Variants in ADGRF5 observed in about 807,000 individuals in gnomAD.
ADGRF5 encodes the protein G-protein coupled receptor 116.
In ADGRF5, 75 loss-of-function variants were observed where a neutral mutation model predicts 132.3. The observed-to-expected ratio is 0.57, with a 90% CI of 0.47 to 0.69. The LOEUF (loss-of-function observed/expected upper bound fraction) is 0.69. Among genes scored for constraint, ADGRF5 ranks in the 30% least tolerant of loss-of-function variants. ADGRF5 has a pLI of 0.00. For missense variants in ADGRF5, 1,516 were observed against 1,630.6 expected, an observed-to-expected ratio of 0.93 and a Z score of 1.21; for synonymous variants, 629 against 597.6, an observed-to-expected ratio of 1.05 and a Z score of -0.77.
At chr6:46,925,316 T>A (rs1280809560), upstream of ADGRF5, among the ~76,000 whole-genome samples, 3 of 152,228 alleles carry the variant, frequency 2.0e-5, no homozygotes, top group East Asian at 5.8e-4. Context: ...CATTGCTTTC[T>A]TAGTGAGGCC....
intron 14 of ADGRF5, among the ~76,000 whole-genome samples, chr6:46,864,518 A>G (rs1011183536): frequency 6.9e-6 from 1 of 144,972 alleles, no homozygotes; most frequent in East Asian, 2.1e-4. Context: ...ACTGTATTAC[A>G]TGTAATAATT....
intron 1 of ADGRF5, among the ~76,000 whole-genome samples, chr6:46,952,335 G>T (rs1401415688): frequency 6.6e-6 from 1 of 152,206 alleles, no homozygotes; most frequent in East Asian, 1.9e-4. Flanking sequence ...TCCTCCAGAT[G>T]AGCGCTGCAT....
At chr6:46,872,064 T>C (rs1291930278) in intron 10 of ADGRF5, 51 bp from the exon 11 acceptor site, 3 of 1,341,558 alleles carry the variant, frequency 2.2e-6, no homozygotes, top group Non-Finnish European at 3.1e-6. Context: ...CTCTTTTATT[T>C]AGTAGCAAAG....
intron 1 of ADGRF5, among the ~76,000 whole-genome samples, chr6:46,914,734 T>G (rs1226902101): frequency 6.6e-6 from 1 of 152,016 alleles, no homozygotes; most frequent in East Asian, 1.9e-4. Flanking sequence ...TTGCATTAAT[T>G]CACCATGTGG....
At chr6:46,888,232 C>T in intron 4 of ADGRF5, 103 bp downstream of exon 4, 1 of 794,078 alleles carries the variant, frequency 1.3e-6, no homozygotes, top group Non-Finnish European at 2.1e-6. Flanking sequence ...TGAGTCATTT[C>T]ACTTGCCTAC....
intron 4 of ADGRF5, among the ~76,000 whole-genome samples, chr6:46,884,755 T>C (rs1382108035): frequency 6.6e-6 from 1 of 152,216 alleles, no homozygotes; most frequent in Non-Finnish European, 1.5e-5. Context: ...GGTTGCTCTC[T>C]CTCTTTCTCT....
rs562010996 is a variant in ADGRF5 at position 46,910,470 on chromosome 6, T to A, written c.-24-3684A>T. Among the ~76,000 whole-genome samples, 3 of 152,282 alleles carry A rather than the reference T, an allele frequency of 2.0e-5. No homozygotes were observed. The South Asian group carries it at 6.2e-4, about 32-fold the overall frequency. On this transcript the variant is annotated intron_variant, in intron 1 of 20. Transcript: ENST00000283296. ...GGTGCTCACTATATTCTAGGTCTGC[T>A]GCTGAGCTCTCTGCAAGGGTTACGC...
rs965841468 is a variant in ADGRF5 at position 46,852,740 on chromosome 6, C to A, written c.*1252G>T. The A allele has an allele frequency of 2.6e-5, 4 of 151,058 alleles. No homozygotes were observed. Among genetic ancestry groups the A allele is most frequent in the African/African-American group, 9.9e-5 (4 of 40,404 alleles). 9.4% of individuals were successfully genotyped at this position (151,058 alleles called of 1,614,324 possible). On this transcript the variant is annotated 3_prime_UTR_variant, in exon 21 of 21. Transcript: ENST00000283296. ...AGTGTCATTAGGAGCACAGAACAAC[C>A]GAATGTAAAATTTCTTTCCAGGAGC...
At position 46,865,067 on chromosome 6, in the gene ADGRF5, T is replaced by C. The variant is rs775774467; in HGVS notation, c.1965A>G (p.Pro655=). The C allele has an allele frequency of 6.2e-7, 1 of 1,609,136 alleles. No homozygotes were observed. Among genetic ancestry groups the C allele is most frequent in the South Asian group, 1.1e-5 (1 of 90,228 alleles). The change falls in exon 14 of 21, where the codon CCA becomes CCG. Residue 655 remains proline (P), a synonymous_variant. Transcript: ENST00000283296. ...CAGGAACCAGATTCAGCTTCATAGATGGGCTCCAGACTGAATTATTAGCAG... is the reference window on the plus strand; with the variant it reads ...CAGGAACCAGATTCAGCTTCATAGACGGGCTCCAGACTGAATTATTAGCAG... ...TNAANNSVWS[P]SMKLNLVPGE... is the part of the protein sequence containing the mutation.
rs201301159 is a variant in ADGRF5 at position 46,858,435 on chromosome 6, A to G, written c.3468T>C (p.Tyr1156=). 130 of 1,613,820 alleles carry G rather than the reference A, an allele frequency of 8.1e-5. No individual in the cohort carries two copies. The highest frequency in any genetic ancestry group is 1.7e-5 in the Admixed American group (1 of 59,998). The stretch of plus-strand genomic sequence containing the variant: ...TGAGCCAACAGACATTCTTCCTCGT[A>G]TAGACTTCCCGGGGCTGGGTGGCTC... ...TLGATQPREV[Y]TRKNVCWLNW... Residue 1156 remains tyrosine (Y), a synonymous_variant, in exon 17 of 21, where the codon TAT becomes TAC. Transcript: ENST00000283296.
In ADGRF5 at chr6:46,953,035, A is replaced by T. The variant is rs80311938; in HGVS notation, c.-25+1699T>A. ...AAATAGGCAGGCATTAGAGCATTCA[A>T]ATATTAGGGAAATGCAAGGTACTTA... On this transcript the variant is annotated intron_variant, in intron 1 of 20. Transcript: ENST00000265417. Among the ~76,000 whole-genome samples, 730 of 152,300 alleles carry T rather than the reference A, an allele frequency of 4.8e-3. 4 individuals carry two copies. The highest frequency in any genetic ancestry group is 0.017 in the African/African-American group (698 of 41,558).
intron 12 of ADGRF5, among the ~76,000 whole-genome samples, chr6:46,867,853 G>A (rs1401822216): frequency 6.6e-6 from 1 of 152,162 alleles, no homozygotes; most frequent in African/African-American, 2.4e-5. Flanking sequence ...AGATTTAGAT[G>A]AGAATATGAC....
chr6:46,916,760 G>A (rs1243423990), intron 1 of ADGRF5, among the ~76,000 whole-genome samples: 2 of 152,156 alleles, frequency 1.3e-5, no homozygotes, highest in African/African-American at 4.8e-5. Flanking sequence ...GAATATTTAA[G>A]CCAATTCACC....
At chr6:46,865,919 G>A (rs900468319) in intron 13 of ADGRF5, among the ~76,000 whole-genome samples, 2 of 152,118 alleles carry the variant, frequency 1.3e-5, no homozygotes, top group Non-Finnish European at 2.9e-5. Context: ...CTACTATGGT[G>A]TCTTGCGTTG....
chr6:46,884,234 G>T lies in ADGRF5; in HGVS notation c.366C>A (p.Cys122Ter). Reference sequence around the variant, plus strand: ...CCCGAGGCCACCCATAACCTGTCTCGCAGGAGCACCAGATTTCATTTCCAG... The same window carrying T: ...CCCGAGGCCACCCATAACCTGTCTCTCAGGAGCACCAGATTTCATTTCCAG... Reference protein sequence around the residue: ...RPAGNEIWCSCETGYGWPRER... With the variant: ...RPAGNEIWCS Residue 122 changes from cysteine to a stop codon, truncating the protein, a stop_gained, in exon 5 of 21, where the codon TGC (cysteine) becomes TGA (stop). Transcript: ENST00000283296. LOFTEE classifies it high-confidence loss of function. The T allele has an allele frequency of 1.2e-6, 2 of 1,613,898 alleles. No individual in the cohort carries two copies. Among genetic ancestry groups the T allele is most frequent in the African/African-American group, 1.3e-5 (1 of 75,032 alleles).
chr6:46,936,058 G>A (rs1346926523), intron 1 of ADGRF5, among the ~76,000 whole-genome samples: 4 of 152,160 alleles, frequency 2.6e-5, no homozygotes, highest in Admixed American at 1.3e-4. Flanking sequence ...GCCTTGCATC[G>A]GAAACAATCC....
chr6:46,891,215 T>C (rs540428950), intron 3 of ADGRF5, among the ~76,000 whole-genome samples: 6 of 152,252 alleles, frequency 3.9e-5, no homozygotes, highest in African/African-American at 1.4e-4. Flanking sequence ...CCTGTGATGA[T>C]AGTATGGCAT....
In ADGRF5 at chr6:46,853,984, T is replaced by C; in HGVS notation, c.*8A>G. On this transcript the variant is annotated 3_prime_UTR_variant, in exon 21 of 21. Transcript: ENST00000283296. ...CCGGGAGGTCACGTAGGTTGGATTA[T>C]CCTGTTCTTAGTTGAGCAACGAAGA... 6.3e-7 allele frequency: 1 copy of C among 1,592,790 alleles called. No individual in the cohort carries two copies. The highest frequency in any genetic ancestry group is 8.6e-7 in the Non-Finnish European group (1 of 1,167,114).
chr6:46,893,953 C>T (rs1372560105), intron 3 of ADGRF5, among the ~76,000 whole-genome samples: 1 of 152,200 alleles, frequency 6.6e-6, no homozygotes, highest in African/African-American at 2.4e-5. Flanking sequence ...GTCTTAATCA[C>T]AGCTGTTTAA....
Sources: gnomAD v4.1 joint callset for allele counts (sites outside exome capture counted in the v4.1 genomes callset) on GRCh38, gnomAD v4.1.1 for gene constraint, MANE v1.5 for transcripts, NCBI Gene and HGNC (gene_info 2026-07-23, HGNC 2026-07-21) for gene names.